MINK1: variants seen among roughly 807,000 people sequenced by gnomAD.
The protein encoded by MINK1 is misshapen-like kinase 1.
In MINK1, 46 loss-of-function variants were observed where a neutral mutation model predicts 178.4. That is an observed-to-expected ratio of 0.26 (90% confidence interval 0.20 to 0.33). The LOEUF (loss-of-function observed/expected upper bound fraction) is 0.33. MINK1 is among the 10% of genes least tolerant of loss of function. The pLI is 1.00. For synonymous variants in MINK1, 797 were observed against 709.7 expected (o/e 1.12, Z -1.96); for missense variants, 1,366 against 1,814.9 (o/e 0.75, Z 4.49).
At chr17:4,897,155 C>G in intron 31 of MINK1, 49 bp from the exon 32 acceptor site, 1 of 1,515,666 alleles carries the variant, frequency 6.6e-7, no homozygotes, top group Non-Finnish European at 9.1e-7. Context: ...CCAGTTGAGA[C>G]ACCCCCCCAA....
intron 16 of MINK1, 76 bp downstream of exon 16, chr17:4,891,792 C>A: frequency 6.7e-7 from 1 of 1,488,630 alleles, no homozygotes; most frequent in Non-Finnish European, 9.0e-7. Context: ...AAGGGGCAGG[C>A]CACATGGAGG....
At chr17:4,848,862 A>G (rs1597393258) in intron 1 of MINK1, among the ~76,000 whole-genome samples, 1 of 152,152 alleles carries the variant, frequency 6.6e-6, no homozygotes, top group African/African-American at 2.4e-5. Context: ...AGGGATGTTG[A>G]GAGGATTAAA....
rs755380371 is a variant in MINK1 at position 4,836,919 on chromosome 17, C to T, written c.57+3279C>T. On this transcript the variant is annotated intron_variant, in intron 1 of 31. Transcript: ENST00000355280. This position sits in a 1 kb window ranked among gnomAD's most constrained non-coding sequence, Gnocchi z 4.3. ...GTGGCCGGGTGTGGTAGCTCACGAC[C>T]GTAATCCCAGCACTTTGGGAGGCCG... 1.3e-5 allele frequency among the ~76,000 whole-genome samples: 2 copies of T among 151,926 alleles called. No individual in the cohort carries two copies. Among genetic ancestry groups the T allele is most frequent in the Non-Finnish European group, 2.9e-5 (2 of 68,004 alleles).
In MINK1 at chr17:4,893,554, G is replaced by A. The variant is rs374571755; in HGVS notation, c.2521G>A (p.Glu841Lys). 1.4e-5 allele frequency: 22 copies of A among 1,587,704 alleles called. No homozygotes were observed. The East Asian group carries it at 2.3e-4, about 16-fold the overall frequency. Residue 841 changes from glutamate to lysine, a missense_variant, in exon 21 of 32, where the codon GAA becomes AAA. Transcript: ENST00000355280. ...CAGTGAGGACGACGAGGAGGAAGGC[G>A]AAGGCGGGCCAGCAGAGGGGAGCAG... ...ESSEDDEEEGEGGPAEGSRDT... is the reference protein window; with the variant it reads ...ESSEDDEEEGKGGPAEGSRDT...
At chr17:4,873,643 G>T (rs1319315047) in intron 1 of MINK1, among the ~76,000 whole-genome samples, 1 of 132,758 alleles carries the variant, frequency 7.5e-6, no homozygotes, top group Admixed American at 8.2e-5. Flanking sequence ...TTTTGAGAAG[G>T]CGTCTCACTC....
At position 4,889,706 on chromosome 17, in the gene MINK1, G is replaced by A. The variant is rs1431165746; in HGVS notation, c.1290G>A (p.Leu430=). The change falls in exon 13 of 32, where the codon CTG becomes CTA. Residue 430 remains leucine, a synonymous_variant. Transcript: ENST00000355280. ...AGGAGAAGGAGCAGCAGCGGCGGCT[G>A]GAGGACATGCAGGCTCTGCGGCGGG... ...KLQEKEQQRR[L]EDMQALRREE... 6.4e-7 allele frequency: 1 copy of A among 1,557,066 alleles called. No homozygotes were observed. The highest frequency in any genetic ancestry group is 1.2e-5 in the South Asian group (1 of 84,846).
chr17:4,880,675 G>A (rs1435374152), intron 2 of MINK1, among the ~76,000 whole-genome samples: 2 of 150,682 alleles, frequency 1.3e-5, no homozygotes, highest in African/African-American at 2.4e-5. Flanking sequence ...CGAGGCAGGC[G>A]GATCACGAGG....
intron 1 of MINK1, among the ~76,000 whole-genome samples, chr17:4,866,609 C>CA (rs33971421): frequency 0.022 from 3,114 of 141,444 alleles, 90 homozygotes; most frequent in East Asian, 0.07. Flanking sequence ...CTGATTCTAC[C>CA]AAAAAAAAAA....
chr17:4,891,791 G>T, intron 16 of MINK1, 75 bp downstream of exon 16: 1 of 1,491,236 alleles, frequency 6.7e-7, no homozygotes. Context: ...GAAGGGGCAG[G>T]CCACATGGAG....
chr17:4,852,443 C>T (rs1178461957), intron 1 of MINK1, among the ~76,000 whole-genome samples: 2 of 151,432 alleles, frequency 1.3e-5, no homozygotes, highest in Admixed American at 1.3e-4. Context: ...AGGGGCACTT[C>T]CTGGAGGTGA....
At chr17:4,877,197 T>C (rs1487918184) in intron 1 of MINK1, among the ~76,000 whole-genome samples, 2 of 150,868 alleles carry the variant, frequency 1.3e-5, no homozygotes, top group Admixed American at 1.3e-4. Flanking sequence ...TTTCTTTCTC[T>C]CAAAAAAAAA....
intron 1 of MINK1, among the ~76,000 whole-genome samples, chr17:4,843,584 G>A (rs1175582014): frequency 1.3e-5 from 2 of 152,140 alleles, no homozygotes; most frequent in East Asian, 3.8e-4. Context: ...CTGTGATAAA[G>A]TCATTTATAT....
rs1315756524 is a variant in MINK1, at chr17:4,894,738, C to T, written c.2917+105C>T. The T allele has an allele frequency of 4.4e-6, 4 of 905,186 alleles. No homozygotes were observed. The highest frequency in any genetic ancestry group is 5.2e-6 in the Non-Finnish European group (3 of 573,432). The allele number at this position is 905,186 out of a possible 1,614,324, so 56.1% of individuals were successfully genotyped here. A position where few individuals can be genotyped will look rare whatever the true frequency, so the allele number is the denominator to read the frequency against. On this transcript the variant is annotated intron_variant, in intron 24 of 31. Coordinates refer to ENST00000355280, the MANE Select transcript of MINK1 (RefSeq NM_153827.5). This position sits in a 1 kb window ranked among gnomAD's most constrained non-coding sequence, Gnocchi z 4.1. ...AGCCTCACAAAGCATAGCCACAGGA[C>T]CTCTCCCTTGGGCCCTAGCACCTGC...
chr17:4,874,872 G>A (rs1412147115), intron 1 of MINK1, among the ~76,000 whole-genome samples: 1 of 152,020 alleles, frequency 6.6e-6, no homozygotes, highest in African/African-American at 2.4e-5. Flanking sequence ...CCTCAGTGCC[G>A]CCCAGACACG....
rs566535061 is a variant in MINK1, at chr17:4,871,406, G to A, written c.58-6911G>A. 3.7e-4 allele frequency among the ~76,000 whole-genome samples: 56 copies of A among 151,830 alleles called. No individual in the cohort carries two copies. In the South Asian group the frequency reaches 0.011, roughly 30 times the overall value. ...GTGGTCTTATTATCTTGCCAAGGTT[G>A]GTCTCAAACCTGCCAAGCAGTCTCA... On this transcript the variant is annotated intron_variant, in intron 1 of 31. Transcript: ENST00000355280.
chr17:4,852,449 G>A (rs1054083528), intron 1 of MINK1, among the ~76,000 whole-genome samples: 3 of 151,742 alleles, frequency 2.0e-5, no homozygotes, highest in African/African-American at 7.3e-5. Context: ...ACTTCCTGGA[G>A]GTGACATTGT....
rs377366832 is a variant in MINK1 at position 4,894,030 on chromosome 17, C to T, written c.2607C>T (p.His869=). ...ACAGCGTCAGCACCATGGTGGTCCA[C>T]GACGTCGAGGAGATCACCGGGACCC... ...DTDSVSTMVV[H]DVEEITGTQP... The change falls in exon 22 of 32, where the codon CAC becomes CAT. Residue 869 remains histidine (H), a synonymous_variant. Coordinates refer to ENST00000355280, the MANE Select transcript of MINK1 (RefSeq NM_153827.5). The surrounding 1 kb of genome is among the most constrained non-coding windows in gnomAD (Gnocchi z 4.1). 10 of 1,589,506 alleles carry T rather than the reference C, an allele frequency of 6.3e-6. No individual in the cohort carries two copies. Among genetic ancestry groups the T allele is most frequent in the South Asian group, 1.1e-5 (1 of 88,570 alleles).
intron 1 of MINK1, among the ~76,000 whole-genome samples, chr17:4,834,133 G>A (rs1908925070): frequency 6.6e-6 from 1 of 151,914 alleles, no homozygotes; most frequent in African/African-American, 2.4e-5. Flanking sequence ...CCCTTGAATT[G>A]CATCCTTTCC....
At chr17:4,855,769 C>CAA (rs1226267230) in intron 1 of MINK1, among the ~76,000 whole-genome samples, 5,386 of 49,866 alleles carry the variant, frequency 0.11, 181 homozygotes, top group Non-Finnish European at 0.15. Flanking sequence ...GACTCCGTCT[C>CAA]AAAAAAAAAA....
Sources: gnomAD v4.1 joint callset for allele counts (sites outside exome capture counted in the v4.1 genomes callset) on GRCh38, gnomAD v4.1.1 for gene constraint, Gnocchi (gnomAD v3.1) non-coding constraint, MANE v1.5 for transcripts, NCBI Gene and HGNC (gene_info 2026-07-23, HGNC 2026-07-21) for gene names.